Variants in COLEC12 observed in about 807,000 individuals in gnomAD.
COLEC12 encodes collectin-12.
A neutral mutation model predicts 71.1 loss-of-function variants in COLEC12; 33 were observed. The observed-to-expected ratio is 0.46, with a 90% confidence interval of 0.35 to 0.62. The LOEUF (loss-of-function observed/expected upper bound fraction) is 0.62, where lower values mean the gene tolerates loss of function less well. Ranked by LOEUF, COLEC12 falls within the 20% of genes least tolerant of loss-of-function variation. The pLI, the probability that COLEC12 is intolerant of heterozygous loss-of-function variation, is 0.00. For synonymous variants in COLEC12, 350 were observed against 353.0 expected (o/e 0.99, Z 0.10); for missense variants, 765 against 916.1 (o/e 0.84, Z 2.13).
chr18:422,382 C>T (rs1342812514), intron 2 of COLEC12, among the ~76,000 whole-genome samples: 1 of 152,158 alleles, frequency 6.6e-6, no homozygotes, highest in African/African-American at 2.4e-5. Flanking sequence ...CTCTCCTAAA[C>T]CTCTCAAAAT....
chr18:390,097 T>C (rs745555682), intron 2 of COLEC12, among the ~76,000 whole-genome samples: 80 of 152,340 alleles, frequency 5.3e-4, no homozygotes, highest in Non-Finnish European at 9.8e-4. Flanking sequence ...CTGAGACTTA[T>C]TTCACAGTGC....
chr18:365,129 C>G (rs976610980), intron 2 of COLEC12, among the ~76,000 whole-genome samples: 2 of 152,084 alleles, frequency 1.3e-5, no homozygotes, highest in Admixed American at 1.3e-4. Flanking sequence ...GATAGATAAG[C>G]CTTTCTCAGA....
chr18:351,589 C>T (rs1000912932), intron 3 of COLEC12, among the ~76,000 whole-genome samples: 4 of 151,970 alleles, frequency 2.6e-5, no homozygotes, highest in Admixed American at 6.6e-5. Context: ...TTTTATTAGA[C>T]GGAGTTTCAC....
intron 2 of COLEC12, among the ~76,000 whole-genome samples, chr18:426,078 A>G (rs960775019): frequency 6.6e-6 from 1 of 152,202 alleles, no homozygotes; most frequent in African/African-American, 2.4e-5. Context: ...GATCACATGG[A>G]AAGTATCAGA....
At chr18:378,615 T>C (rs552299593) in intron 2 of COLEC12, among the ~76,000 whole-genome samples, 5 of 152,132 alleles carry the variant, frequency 3.3e-5, no homozygotes, top group Non-Finnish European at 7.3e-5. Context: ...TTCTTGGCAA[T>C]TGCTAGTAAA....
chr18:335,493 G>C (rs936031296), intron 5 of COLEC12, among the ~76,000 whole-genome samples: 4 of 152,088 alleles, frequency 2.6e-5, no homozygotes, highest in African/African-American at 9.7e-5. Context: ...AGAGGTCATC[G>C]AGTTAAAACG....
At chr18:371,700 T>G (rs777045258) in intron 2 of COLEC12, among the ~76,000 whole-genome samples, 6 of 152,124 alleles carry the variant, frequency 3.9e-5, no homozygotes, top group Non-Finnish European at 8.8e-5. Flanking sequence ...ACAGGCCTTG[T>G]GACAGTTGAT....
chr18:429,793 G>A (rs567853836), intron 2 of COLEC12, among the ~76,000 whole-genome samples: 3 of 152,266 alleles, frequency 2.0e-5, no homozygotes, highest in East Asian at 3.9e-4. Context: ...CCAGGCCCAC[G>A]TGAGCATAAA....
At chr18:496,333 T>C (rs1917712108) in intron 1 of COLEC12, among the ~76,000 whole-genome samples, 1 of 151,476 alleles carries the variant, frequency 6.6e-6, no homozygotes, top group South Asian at 2.1e-4. Context: ...ACAGAGAAGA[T>C]GTATACTTAG....
In COLEC12 at chr18:399,707, G is replaced by A. The variant is rs1415933788; in HGVS notation, c.59-42185C>T. On this transcript the variant is annotated intron_variant, in intron 2 of 9. Transcript: ENST00000400256. The surrounding 1 kb of genome is among the most constrained non-coding windows in gnomAD (Gnocchi z 4.0). ...TGCTGTTACCTGTTGTTAGTTCAACGGGGATGCGGAATTTGGGGTGGATGC... is the reference window on the plus strand; with the variant it reads ...TGCTGTTACCTGTTGTTAGTTCAACAGGGATGCGGAATTTGGGGTGGATGC... Among the ~76,000 whole-genome samples, 5 of 152,280 alleles carry A rather than the reference G, an allele frequency of 3.3e-5. No homozygotes were observed. The highest frequency in any genetic ancestry group is 4.1e-4 in the South Asian group (2 of 4,828).
rs550118759 is a variant in COLEC12, at chr18:416,513, G to A, written c.59-58991C>T. On this transcript the variant is annotated intron_variant, in intron 2 of 9. Coordinates refer to ENST00000400256, the MANE Select transcript of COLEC12 (RefSeq NM_130386.3). ...TTAAATGGCTTGTTATTATATCCTA[G>A]AGGAATTCCATGACTCATTGAAAAT... 5.9e-5 allele frequency among the ~76,000 whole-genome samples: 9 copies of A among 152,272 alleles called. No individual in the cohort carries two copies. In the South Asian group the frequency reaches 1.9e-3, roughly 32 times the overall value.
chr18:458,975 C>T (rs538604055), intron 2 of COLEC12, among the ~76,000 whole-genome samples: 2 of 152,326 alleles, frequency 1.3e-5, no homozygotes, highest in South Asian at 2.1e-4. Context: ...GCTGGGACCA[C>T]GGACATGCTC....
chr18:353,010 GAAGATCT>G (rs1452297475), intron 3 of COLEC12, among the ~76,000 whole-genome samples: 1 of 152,208 alleles, frequency 6.6e-6, no homozygotes, highest in East Asian at 1.9e-4. Flanking sequence ...TATTATACCT[GAAGATCT>G]GTCCCTCTTC....
intron 5 of COLEC12, among the ~76,000 whole-genome samples, chr18:344,049 A>C (rs542144333): frequency 1.3e-5 from 2 of 152,384 alleles, no homozygotes; most frequent in Non-Finnish European, 2.9e-5. Context: ...GTAACAATTA[A>C]ATTAATGAAA....
chr18:454,500 G>A (rs1183478400), intron 2 of COLEC12, among the ~76,000 whole-genome samples: 1 of 152,130 alleles, frequency 6.6e-6, no homozygotes, highest in African/African-American at 2.4e-5. Flanking sequence ...TGGCCAACAT[G>A]GTGAAACTCC....
intron 2 of COLEC12, among the ~76,000 whole-genome samples, chr18:373,907 T>TC (rs1432582887): frequency 1.3e-5 from 2 of 152,196 alleles, no homozygotes; most frequent in African/African-American, 4.8e-5. Flanking sequence ...CGCTACAACC[T>TC]CCCTGTTAAG....
At chr18:420,304 T>C (rs1038418190) in intron 2 of COLEC12, among the ~76,000 whole-genome samples, 1 of 152,162 alleles carries the variant, frequency 6.6e-6, no homozygotes, top group Non-Finnish European at 1.5e-5. Context: ...AAAATGAAAT[T>C]TCAGCCCCAA....
chr18:412,200 A>G (rs1401764203), intron 2 of COLEC12, among the ~76,000 whole-genome samples: 1 of 152,184 alleles, frequency 6.6e-6, no homozygotes, highest in Admixed American at 6.5e-5. Context: ...GACAAAGAAA[A>G]CATTTTAAAA....
At position 319,918 on chromosome 18, in the gene COLEC12, T is replaced by G. The variant is rs528691777; in HGVS notation, c.*127A>C. 2.7e-5 allele frequency: 19 copies of G among 707,254 alleles called. No homozygotes were observed. The highest frequency in any genetic ancestry group is 4.5e-5 in the Non-Finnish European group (18 of 401,574). 43.8% of individuals were successfully genotyped at this position (707,254 alleles called of 1,614,324 possible). ...ATGGTAAAAAACACTAGCTGTCAAT[T>G]TTTTTTCAGTAATTGGTTTTCAGTG... is the stretch of plus-strand genomic sequence containing the variant. On this transcript the variant is annotated 3_prime_UTR_variant, in exon 10 of 10. Transcript: ENST00000400256.
Sources: allele counts gnomAD v4.1 joint callset (sites outside exome capture counted in the v4.1 genomes callset), GRCh38; gene constraint gnomAD v4.1.1; non-coding constraint Gnocchi (gnomAD v3.1); transcripts MANE v1.5; gene names NCBI Gene and HGNC (gene_info 2026-07-23, HGNC 2026-07-21).